The following PKD2 variants were observed in gnomAD, a reference collection of about 807,000 sequenced individuals.
PKD2 encodes polycystin 2, transient receptor potential cation channel.
Under a neutral mutation model 105.9 loss-of-function variants are expected in PKD2, and 48 were observed. That is an observed-to-expected ratio of 0.45 (90% confidence interval 0.36 to 0.58). The LOEUF (loss-of-function observed/expected upper bound fraction) is 0.58, where lower values mean the gene tolerates loss of function less well. PKD2 is among the 20% of genes least tolerant of loss of function. The pLI, the probability that PKD2 is intolerant of heterozygous loss-of-function variation, is 0.00. For missense variants in PKD2, 1,078 were observed against 1,255.3 expected, an observed-to-expected ratio of 0.86 and a Z score of 2.13; for synonymous variants, 464 against 481.1, an observed-to-expected ratio of 0.96 and a Z score of 0.46.
chr4:88,047,275 G>A (rs1472962087), intron 6 of PKD2, among the ~76,000 whole-genome samples: 4 of 151,860 alleles, frequency 2.6e-5, no homozygotes, highest in Non-Finnish European at 2.9e-5. Context: ...AAAACTTGTC[G>A]GCCAGGTGTG....
At chr4:88,012,728 C>T (rs1023116542) in intron 1 of PKD2, among the ~76,000 whole-genome samples, 1 of 152,038 alleles carries the variant, frequency 6.6e-6, no homozygotes, top group African/African-American at 2.4e-5. Context: ...TCCCTGTTTC[C>T]CCACTCCCCC....
intron 2 of PKD2, among the ~76,000 whole-genome samples, chr4:88,020,074 T>A (rs1726695554): frequency 6.6e-6 from 1 of 152,208 alleles, no homozygotes; most frequent in Admixed American, 6.5e-5. Flanking sequence ...GCGTGGCAAC[T>A]TGCCAGACAC....
intron 1 of PKD2, among the ~76,000 whole-genome samples, chr4:88,010,141 C>T (rs1054670036): frequency 6.6e-6 from 1 of 151,006 alleles, no homozygotes; most frequent in Non-Finnish European, 1.5e-5. Context: ...GTCACTGAGG[C>T]TGGAGTGCGG....
At chr4:88,009,571 G>A (rs974775458) in intron 1 of PKD2, among the ~76,000 whole-genome samples, 7 of 151,964 alleles carry the variant, frequency 4.6e-5, no homozygotes, top group Non-Finnish European at 8.8e-5. Context: ...GACATAAAAT[G>A]TGCAGCATGT....
At chr4:88,062,712 G>A (rs1045303844) in intron 10 of PKD2, among the ~76,000 whole-genome samples, 10 of 152,052 alleles carry the variant, frequency 6.6e-5, no homozygotes, top group Non-Finnish European at 1.2e-4. Context: ...CTAAGTCATA[G>A]TGGCTCCTTA....
Position 88,051,972 on chromosome 4 carries a change from T to C in PKD2, c.1549-19T>C, listed in dbSNP as rs762299492. The C allele has an allele frequency of 2.1e-6, 3 of 1,396,898 alleles. No individual in the cohort carries two copies. The East Asian group carries it at 6.9e-5, about 32-fold the overall frequency. The allele number at this position is 1,396,898 out of a possible 1,614,324, so 86.5% of individuals were successfully genotyped here. Reference sequence around the variant, plus strand: ...ATTTCTAAAACACTGTAATAAAATATAAATATTTTGCTTTTCAGCTGTCAG... The same window carrying C: ...ATTTCTAAAACACTGTAATAAAATACAAATATTTTGCTTTTCAGCTGTCAG... On this transcript the variant is annotated intron_variant, in intron 6 of 14. Coordinates refer to ENST00000237596, the MANE Select transcript of PKD2 (RefSeq NM_000297.4).
rs1220508418 is a variant in PKD2, at chr4:88,066,300, T to A, written c.2358+421T>A. On this transcript the variant is annotated intron_variant, in intron 12 of 14. Transcript: ENST00000237596. Reference sequence around the variant, plus strand: ...GAGAGTGAAGAAAACAAAAAATGACTTACCAAGAGATGTGAAATTATTCTG... The same window carrying A: ...GAGAGTGAAGAAAACAAAAAATGACATACCAAGAGATGTGAAATTATTCTG... Among the ~76,000 whole-genome samples, 3 of 152,038 alleles carry A rather than the reference T, an allele frequency of 2.0e-5. No individual in the cohort carries two copies. The East Asian group carries it at 5.8e-4, about 29-fold the overall frequency.
At chr4:88,030,751 C>T (rs1249909558) in intron 2 of PKD2, among the ~76,000 whole-genome samples, 3 of 152,226 alleles carry the variant, frequency 2.0e-5, no homozygotes. Context: ...CCAGCTCATG[C>T]GTTCACCGCC....
rs1560621773 is a variant in PKD2, at chr4:88,058,036, A to G, written c.1952A>G (p.Glu651Gly). The change falls in exon 9 of 15, where the codon GAA becomes GGA. Residue 651 changes from glutamate (E) to glycine (G), a missense_variant. Coordinates refer to ENST00000237596, the MANE Select transcript of PKD2 (RefSeq NM_000297.4). ...GATATCAACTTTGCAGAGATTGAGGAAGCTAATCGAGTTTTGGGACCAATT... is the reference window on the plus strand; with the variant it reads ...GATATCAACTTTGCAGAGATTGAGGGAGCTAATCGAGTTTTGGGACCAATT... The part of the protein sequence containing the change: ...LGDINFAEIE[E>G]ANRVLGPIYF... 1.9e-6 allele frequency: 3 copies of G among 1,568,066 alleles called. No homozygotes were observed. Among genetic ancestry groups the G allele is most frequent in the Non-Finnish European group, 2.6e-6 (3 of 1,138,122 alleles).
intron 13 of PKD2, among the ~76,000 whole-genome samples, chr4:88,071,823 C>T (rs1016314502): frequency 6.6e-6 from 1 of 152,072 alleles, no homozygotes; most frequent in African/African-American, 2.4e-5. Flanking sequence ...TTTGTTATAC[C>T]TCCTGCCTCT....
intron 2 of PKD2, among the ~76,000 whole-genome samples, chr4:88,021,948 G>A (rs1473317582): frequency 6.6e-6 from 1 of 152,154 alleles, no homozygotes; most frequent in Non-Finnish European, 1.5e-5. Context: ...AAGTCCCTCT[G>A]GTGAATGTTC....
intron 1 of PKD2, among the ~76,000 whole-genome samples, chr4:88,013,801 A>T (rs539164041): frequency 6.6e-6 from 1 of 152,026 alleles, no homozygotes; most frequent in Admixed American, 6.5e-5. Flanking sequence ...TTGAAGAATG[A>T]GAGGGGAATA....
chr4:88,077,060 C>CA lies in PKD2; in HGVS notation c.*1367dup, dbSNP rs1721261701. On this transcript the variant is annotated 3_prime_UTR_variant, in exon 15 of 15. Transcript: ENST00000237596. ...TCTCAAAAAAAAAAATCTTCTTTTA[C>CA]AGAAATGTTGAGTAAGGTGACATTT... 6.6e-6 allele frequency: 1 copy of CA among 152,046 alleles called. No homozygotes were observed. The highest frequency in any genetic ancestry group is 1.5e-5 in the Non-Finnish European group (1 of 68,020). 9.4% of individuals were successfully genotyped at this position (152,046 alleles called of 1,614,324 possible). A position where few individuals can be genotyped will look rare whatever the true frequency, so the allele number is the denominator to read the frequency against.
At position 88,052,041 on chromosome 4, in the gene PKD2, G is replaced by A. The variant is rs770436317; in HGVS notation, c.1599G>A (p.Glu533=). Reference sequence around the variant, plus strand: ...ACATATACAGAACATCAAATGTGGAGGTGCTACTACAGTTTCTGGAAGATC... The same window carrying A: ...ACATATACAGAACATCAAATGTGGAAGTGCTACTACAGTTTCTGGAAGATC... ...GINIYRTSNV[E]VLLQFLEDQN... Residue 533 remains glutamate, a synonymous_variant, in exon 7 of 15, where the codon GAG becomes GAA. Coordinates refer to ENST00000237596, the MANE Select transcript of PKD2 (RefSeq NM_000297.4). The A allele has an allele frequency of 6.2e-7, 1 of 1,601,304 alleles. No individual in the cohort carries two copies. Among genetic ancestry groups the A allele is most frequent in the South Asian group, 1.1e-5 (1 of 90,672 alleles).
At position 88,036,228 on chromosome 4, in the gene PKD2, G is replaced by A. The variant is rs749437083; in HGVS notation, c.718G>A (p.Gly240Ser). The stretch of plus-strand genomic sequence containing the variant: ...ATCTTTCTGTGTTCCAGTGACCTAC[G>A]GCATGATGAGCTCCAATGTGTACTA... ...FLIVLCILTY[G>S]MMSSNVYYYT... The change falls in exon 3 of 15, where the codon GGC becomes AGC. Residue 240 changes from glycine to serine, a missense_variant. Around this residue, in one of 2 missense-constraint regions of PKD2, gnomAD observed 868 missense variants for 1,067.3 expected, o/e 0.81. Transcript: ENST00000237596. 18 of 1,613,546 alleles carry A rather than the reference G, an allele frequency of 1.1e-5. No individual in the cohort carries two copies. Among genetic ancestry groups the A allele is most frequent in the East Asian group, 2.2e-5 (1 of 44,888 alleles).
intron 7 of PKD2, among the ~76,000 whole-genome samples, chr4:88,055,655 T>A (rs76838127): frequency 8.4e-5 from 12 of 143,712 alleles, no homozygotes; most frequent in African/African-American, 2.5e-4. Flanking sequence ...TTTTTTTTTT[T>A]AATTGTAGAT....
chr4:88,023,277 C>G (rs1389034266), intron 2 of PKD2, among the ~76,000 whole-genome samples: 1 of 152,062 alleles, frequency 6.6e-6, no homozygotes, highest in Non-Finnish European at 1.5e-5. Flanking sequence ...CATCATGTGG[C>G]AAAAGCAGGA....
intron 8 of PKD2, among the ~76,000 whole-genome samples, chr4:88,057,486 AGT>A (rs1260963671): frequency 6.8e-6 from 1 of 146,764 alleles, no homozygotes; most frequent in Non-Finnish European, 1.5e-5. Context: ...CCCAAGCTAG[AGT>A]GCAGCGGTGT....
chr4:88,017,670 A>G (rs1457407906), intron 1 of PKD2, among the ~76,000 whole-genome samples: 1 of 152,204 alleles, frequency 6.6e-6, no homozygotes, highest in African/African-American at 2.4e-5. Context: ...TCACCCTCCC[A>G]AAGTGCTGGG....
Sources: gnomAD v4.1 joint callset for allele counts (sites outside exome capture counted in the v4.1 genomes callset) on GRCh38, gnomAD v4.1.1 for gene constraint, gnomAD v4.1.1 regional missense constraint, MANE v1.5 for transcripts, NCBI Gene and HGNC (gene_info 2026-07-23, HGNC 2026-07-21) for gene names.